SGPP1: variants seen among roughly 807,000 people sequenced by gnomAD.
The protein encoded by SGPP1 is hSPP1.
SGPP1 carries 21 observed loss-of-function variants against 33.0 expected under a neutral mutation model. That is an observed-to-expected ratio of 0.64 (90% confidence interval 0.45 to 0.92). The LOEUF (loss-of-function observed/expected upper bound fraction) is 0.92, where lower values mean the gene tolerates loss of function less well. SGPP1 is among the 40% of genes least tolerant of loss of function. The pLI is 0.00. For synonymous variants in SGPP1, 239 were observed against 241.2 expected (o/e 0.99, Z 0.08); for missense variants, 543 against 589.4 (o/e 0.92, Z 0.81).
At chr14:63,703,466 A>G (rs1885342775) in intron 1 of SGPP1, among the ~76,000 whole-genome samples, 1 of 152,036 alleles carries the variant, frequency 6.6e-6, no homozygotes, top group Non-Finnish European at 1.5e-5. Context: ...CATCCTGGCC[A>G]ACATGGTGAA....
chr14:63,715,938 G>T (rs1222116463), intron 1 of SGPP1, among the ~76,000 whole-genome samples: 1 of 152,174 alleles, frequency 6.6e-6, no homozygotes, highest in African/African-American at 2.4e-5. Context: ...AGGTTATCAT[G>T]TAAGTAGTGA....
chr14:63,706,092 C>G (rs1186852774), intron 1 of SGPP1, among the ~76,000 whole-genome samples: 2 of 152,130 alleles, frequency 1.3e-5, no homozygotes, highest in African/African-American at 4.8e-5. Flanking sequence ...GAATAGTAGT[C>G]AACACAAAAG....
intron 2 of SGPP1, among the ~76,000 whole-genome samples, chr14:63,687,414 C>T (rs1885002572): frequency 1.3e-5 from 2 of 151,868 alleles, no homozygotes; most frequent in Admixed American, 6.6e-5. Flanking sequence ...CACTCCAGCC[C>T]GAGTAACAGA....
chr14:63,700,366 A>G (rs1409006630), intron 1 of SGPP1, among the ~76,000 whole-genome samples: 2 of 152,060 alleles, frequency 1.3e-5, no homozygotes, highest in Non-Finnish European at 2.9e-5. Context: ...TATCACCCAC[A>G]CTTGTTCCTC....
chr14:63,689,064 AGTT>A (rs1414329894), intron 2 of SGPP1, among the ~76,000 whole-genome samples: 9 of 152,290 alleles, frequency 5.9e-5, no homozygotes, highest in African/African-American at 2.2e-4. Context: ...GCAACAGACT[AGTT>A]GCTTGATGTT....
intron 1 of SGPP1, among the ~76,000 whole-genome samples, chr14:63,723,676 A>G (rs1240793311): frequency 2.6e-5 from 4 of 151,788 alleles, no homozygotes; most frequent in Non-Finnish European, 5.9e-5. Context: ...ACAAGATCAC[A>G]CCACCACACT....
At chr14:63,714,820 G>A (rs1045789051) in intron 1 of SGPP1, among the ~76,000 whole-genome samples, 2 of 151,456 alleles carry the variant, frequency 1.3e-5, no homozygotes, top group African/African-American at 4.9e-5. Context: ...GCTCACTGCA[G>A]CCTCAGGTGA....
chr14:63,693,177 C>G (rs1885120847), intron 2 of SGPP1, among the ~76,000 whole-genome samples: 1 of 152,248 alleles, frequency 6.6e-6, no homozygotes, highest in South Asian at 2.1e-4. Flanking sequence ...AAGTGATCCA[C>G]CCGCCTCGGC....
In SGPP1 at chr14:63,698,552, G is replaced by A; in HGVS notation, c.774+17C>T. On this transcript the variant is annotated intron_variant, in intron 2 of 2. Transcript: ENST00000247225. ...GTCATAAAAAATAAAGTATTAAGAA[G>A]ACAACATTTTCCTTACCAGAATAGA... 7.2e-7 allele frequency: 1 copy of A among 1,393,888 alleles called. No individual in the cohort carries two copies. The highest frequency in any genetic ancestry group is 9.9e-7 in the Non-Finnish European group (1 of 1,009,438). 86.3% of individuals were successfully genotyped at this position (1,393,888 alleles called of 1,614,324 possible). A position where few individuals can be genotyped will look rare whatever the true frequency, so the allele number is the denominator to read the frequency against.
chr14:63,687,097 A>G (rs756229262), intron 2 of SGPP1, among the ~76,000 whole-genome samples: 9 of 152,148 alleles, frequency 5.9e-5, no homozygotes, highest in African/African-American at 1.2e-4. Flanking sequence ...ACAAATATTT[A>G]TGAGTGCCAA....
chr14:63,723,853 C>A (rs1340338291), intron 1 of SGPP1, among the ~76,000 whole-genome samples: 2 of 152,030 alleles, frequency 1.3e-5, no homozygotes, highest in African/African-American at 4.8e-5. Flanking sequence ...TAGAAATCTG[C>A]ATTTTTAAAC....
intron 1 of SGPP1, among the ~76,000 whole-genome samples, chr14:63,701,650 G>C (rs549813796): frequency 1.5e-4 from 23 of 152,130 alleles, no homozygotes; most frequent in African/African-American, 5.1e-4. Flanking sequence ...AGGTAATGGG[G>C]GGCCAGATCA....
intron 2 of SGPP1, among the ~76,000 whole-genome samples, chr14:63,694,146 G>C (rs531781062): frequency 4.9e-4 from 75 of 152,088 alleles, no homozygotes; most frequent in African/African-American, 1.7e-3. Flanking sequence ...AATCAGCAGG[G>C]CATGGTGGTC....
intron 1 of SGPP1, among the ~76,000 whole-genome samples, chr14:63,699,980 T>G (rs942717071): frequency 3.9e-5 from 6 of 152,070 alleles, no homozygotes; most frequent in Non-Finnish European, 7.4e-5. Context: ...TCCTTTTTTT[T>G]GAGACAGGGT....
chr14:63,716,222 C>T (rs1031540607), intron 1 of SGPP1, among the ~76,000 whole-genome samples: 2 of 152,052 alleles, frequency 1.3e-5, no homozygotes, highest in African/African-American at 4.8e-5. Context: ...TATAAATTGG[C>T]TGGGCAAGGT....
Position 63,727,152 on chromosome 14 carries a change from AAG to A in SGPP1, c.684+107_684+108del, listed in dbSNP as rs540483568. 2.0e-4 allele frequency: 288 copies of A among 1,439,790 alleles called. 2 individuals are homozygous for A. The African/African-American group carries it at 3.8e-3, about 19-fold the overall frequency. 89.2% of individuals were successfully genotyped at this position (1,439,790 alleles called of 1,614,324 possible). On this transcript the variant is annotated intron_variant, in intron 1 of 2. Transcript: ENST00000247225. ...TGCGAGTATTGTGAAAACCTGTGGA[AAG>A]AGAGGCTTTGGAGGGGAACGGTCGA... is the stretch of plus-strand genomic sequence containing the variant.
rs553463654 is a variant in SGPP1, at chr14:63,726,803, T to A, written c.684+458A>T. On this transcript the variant is annotated intron_variant, in intron 1 of 2. Coordinates refer to ENST00000247225, the MANE Select transcript of SGPP1 (RefSeq NM_030791.4). ...TTGTTTTGGAATTACACTAACGTTT[T>A]GTAAACACTGTCTCACGGTAAAGCT... Among the ~76,000 whole-genome samples, 5 of 152,366 alleles carry A rather than the reference T, an allele frequency of 3.3e-5. No individual in the cohort carries two copies. In the South Asian group the frequency reaches 6.2e-4, roughly 19 times the overall value.
intron 1 of SGPP1, among the ~76,000 whole-genome samples, chr14:63,706,592 A>G (rs1429361569): frequency 1.3e-5 from 2 of 152,188 alleles, no homozygotes; most frequent in Non-Finnish European, 2.9e-5. Flanking sequence ...ATACTTGTTG[A>G]ACAAAGTAAA....
chr14:63,723,116 G>A (rs988483979), intron 1 of SGPP1, among the ~76,000 whole-genome samples: 1 of 151,732 alleles, frequency 6.6e-6, no homozygotes, highest in African/African-American at 2.4e-5. Flanking sequence ...TTTTTGAAAA[G>A]AACATGCAAA....
Sources: allele counts gnomAD v4.1 joint callset (sites outside exome capture counted in the v4.1 genomes callset), GRCh38; gene constraint gnomAD v4.1.1; transcripts MANE v1.5; gene names NCBI Gene and HGNC (gene_info 2026-07-23, HGNC 2026-07-21).